The following CPT2 variants were observed in gnomAD, a reference collection of about 807,000 sequenced individuals.
CPT2 encodes carnitine palmitoyltransferase 2, also known as carnitine O-palmitoyltransferase 2, mitochondrial.
CPT2 carries 37 observed loss-of-function variants against 48.6 expected under a neutral mutation model. The observed-to-expected ratio is 0.76, with a 90% CI of 0.59 to 1.00. The LOEUF is 1.00. Among genes scored for constraint, CPT2 ranks in the 50% least tolerant of loss-of-function variants. CPT2 has a pLI of 0.00. For synonymous variants in CPT2, 319 were observed against 326.9 expected, an observed-to-expected ratio of 0.98 and a Z score of 0.26; for missense variants, 772 against 825.6, an observed-to-expected ratio of 0.94 and a Z score of 0.80.
At chr1:53,201,113 A>C (rs768638071) in intron 2 of CPT2, 2 of 410,156 alleles carry the variant, frequency 4.9e-6, no homozygotes, top group Non-Finnish European at 9.2e-6. Flanking sequence ...TACCCTTGGA[A>C]GGGAGGTCCA....
intron 3 of CPT2, 56 bp downstream of exon 3, chr1:53,202,485 T>C (rs1263677669): frequency 7.3e-7 from 1 of 1,363,994 alleles, no homozygotes; most frequent in African/African-American, 1.4e-5. Context: ...TAATGAAAAG[T>C]AAGGCATATT....
At position 53,213,678 on chromosome 1, in the gene CPT2, C is replaced by A; in HGVS notation, c.*83C>A. On this transcript the variant is annotated 3_prime_UTR_variant, in exon 5 of 5. Transcript: ENST00000371486. ...GCATGGTGGCTCATGCCTGTAATCC[C>A]AGCATTTTGAGAGGCTGAGGCGGGT... The A allele has an allele frequency of 7.7e-7, 1 of 1,302,530 alleles. No homozygotes were observed. Among genetic ancestry groups the A allele is most frequent in the Non-Finnish European group, 1.1e-6 (1 of 927,350 alleles). 80.7% of individuals were successfully genotyped at this position (1,302,530 alleles called of 1,614,324 possible). A position where few individuals can be genotyped will look rare whatever the true frequency, so the allele number is the denominator to read the frequency against.
At chr1:53,200,849 G>C in intron 2 of CPT2, 50 bp downstream of exon 2, 1 of 1,442,598 alleles carries the variant, frequency 6.9e-7, no homozygotes, top group Non-Finnish European at 9.8e-7. Context: ...TTCAAGACAG[G>C]CTGGCAAGTA....
intron 2 of CPT2, 170 bp downstream of exon 2, chr1:53,200,969 C>A: frequency 1.5e-6 from 1 of 681,996 alleles, no homozygotes; most frequent in Non-Finnish European, 2.7e-6. Flanking sequence ...TCATGAAGGA[C>A]TGACCAAGCC....
At chr1:53,211,723 C>A (rs982052064) in intron 4 of CPT2, among the ~76,000 whole-genome samples, 20 of 150,238 alleles carry the variant, frequency 1.3e-4, no homozygotes, top group Middle Eastern at 6.8e-3. Flanking sequence ...CTCTGCCTCC[C>A]AAGTAGCTGG....
In CPT2 at chr1:53,210,925, C is replaced by G. The variant is rs576822710; in HGVS notation, c.1251C>G (p.Phe417Leu). The G allele has an allele frequency of 6.2e-7, 1 of 1,614,040 alleles. No homozygotes were observed. Among genetic ancestry groups the G allele is most frequent in the Non-Finnish European group, 8.5e-7 (1 of 1,180,020 alleles). The change falls in exon 4 of 5, where the codon TTC becomes TTG. Residue 417 changes from phenylalanine to leucine, a missense_variant. By Grantham distance (22) the Phe-to-Leu change is conservative. Coordinates refer to ENST00000371486, the MANE Select transcript of CPT2 (RefSeq NM_000098.3). ...CTGTCACGGTGCAGAAACTCAACTT[C>G]GAGCTGACTGATGCCTTAAAGACTG... ...DSTVTVQKLN[F>L]ELTDALKTGI... is the part of the protein sequence containing the mutation.
At chr1:53,201,942 T>A (rs1645356650) in intron 2 of CPT2, 1 of 276,502 alleles carries the variant, frequency 3.6e-6, no homozygotes, top group Admixed American at 4.9e-5. Flanking sequence ...TTATCCATTT[T>A]ACACATCAAG....
Position 53,213,264 on chromosome 1 carries a change from G to A in CPT2, c.1646G>A (p.Gly549Asp), listed in dbSNP as rs186044004. Residue 549 changes from glycine (G) to aspartate (D), a missense_variant and splice_region_variant, in exon 5 of 5, where the codon GGC (glycine) becomes GAC (aspartate). Coordinates refer to ENST00000371486, the MANE Select transcript of CPT2 (RefSeq NM_000098.3). ...HGQLTKEAAM[G>D]QGFDRHLFAL... Reference sequence around the variant, plus strand: ...TGGTTTTCCATTTTGTTTCTCACAGGCCAGGGCTTTGACCGACACTTGTTT... The same window carrying A: ...TGGTTTTCCATTTTGTTTCTCACAGACCAGGGCTTTGACCGACACTTGTTT... 1.2e-5 allele frequency: 19 copies of A among 1,614,076 alleles called. No individual in the cohort carries two copies. In the Admixed American group the frequency reaches 1.8e-4, roughly 16 times the overall value.
At chr1:53,198,015 G>T (rs796625974) in intron 1 of CPT2, among the ~76,000 whole-genome samples, 2 of 152,132 alleles carry the variant, frequency 1.3e-5, no homozygotes, top group African/African-American at 4.8e-5. Flanking sequence ...CCCTCCCCCA[G>T]TACTTTCTTA....
At position 53,197,740 on chromosome 1, in the gene CPT2, C is replaced by T. The variant is rs1472139498; in HGVS notation, c.152+645C>T. On this transcript the variant is annotated intron_variant, in intron 1 of 4. Coordinates refer to ENST00000371486, the MANE Select transcript of CPT2 (RefSeq NM_000098.3). Reference sequence around the variant, plus strand: ...CCTAAATCCAGTGTTCACCCGGAAACCTTTCACTCTCTCCAAGCCCTCCTC... The same window carrying T: ...CCTAAATCCAGTGTTCACCCGGAAATCTTTCACTCTCTCCAAGCCCTCCTC... Among the ~76,000 whole-genome samples the T allele has an allele frequency of 5.3e-5, 8 of 152,150 alleles. No homozygotes were observed. In the East Asian group the frequency reaches 1.2e-3, roughly 22 times the overall value.
In CPT2 at chr1:53,196,962, C is replaced by G; in HGVS notation, c.19C>G (p.Leu7Val). Reference sequence around the variant, plus strand: ...CGGGACGATGGTGCCCCGCCTGCTGCTGCGCGCCTGGCCCCGGGGCCCCGC... The same window carrying G: ...CGGGACGATGGTGCCCCGCCTGCTGGTGCGCGCCTGGCCCCGGGGCCCCGC... The part of the protein sequence containing the change: MVPRLL[L>V]RAWPRGPAVG... Residue 7 changes from leucine (L) to valine (V), a missense_variant, in exon 1 of 5, where the codon CTG (leucine) becomes GTG (valine). By Grantham distance (32) the Leu-to-Val change is conservative (BLOSUM62 1). Transcript: ENST00000371486. The G allele has an allele frequency of 2.0e-5, 31 of 1,536,370 alleles. No homozygotes were observed. Among genetic ancestry groups the G allele is most frequent in the Non-Finnish European group, 2.7e-5 (31 of 1,149,230 alleles).
chr1:53,209,674 G>C (rs1282690100), intron 3 of CPT2: 1 of 326,292 alleles, frequency 3.1e-6, no homozygotes, highest in African/African-American at 2.2e-5. Context: ...TACTCAGGAG[G>C]CTGAGGCAGG....
At chr1:53,200,949 A>G in intron 2 of CPT2, 150 bp downstream of exon 2, 1 of 713,904 alleles carries the variant, frequency 1.4e-6, no homozygotes, top group Non-Finnish European at 2.6e-6. Flanking sequence ...TTCAGGAAAT[A>G]GATTTTCATT....
chr1:53,200,469 C>T, intron 1 of CPT2: 1 of 406,656 alleles, frequency 2.5e-6, no homozygotes, highest in Non-Finnish European at 4.5e-6. Flanking sequence ...CATTTTGAAT[C>T]TATTATTGTT....
rs757294874 is a variant in CPT2 at position 53,210,042 on chromosome 1, C to T, written c.368C>T (p.Ala123Val). The T allele has an allele frequency of 6.2e-7, 1 of 1,613,824 alleles. No individual in the cohort carries two copies. Among genetic ancestry groups the T allele is most frequent in the Non-Finnish European group, 8.5e-7 (1 of 1,179,970 alleles). Reference sequence around the variant, plus strand: ...CCCTGGTTTGATATGTACCTATCTGCTCGAGACTCCGTTGTTCTGAACTTT... The same window carrying T: ...CCCTGGTTTGATATGTACCTATCTGTTCGAGACTCCGTTGTTCTGAACTTT... Reference protein sequence around the residue: ...SGPWFDMYLSARDSVVLNFNP... With the variant: ...SGPWFDMYLSVRDSVVLNFNP... Residue 123 changes from alanine (A) to valine (V), a missense_variant, in exon 4 of 5, where the codon GCT becomes GTT. Ala to Val is a moderately conservative substitution (Grantham distance 64, BLOSUM62 0). Coordinates refer to ENST00000371486, the MANE Select transcript of CPT2 (RefSeq NM_000098.3).
At position 53,210,916 on chromosome 1, in the gene CPT2, A is replaced by G. The variant is rs763073192; in HGVS notation, c.1242A>G (p.Lys414=). The G allele has an allele frequency of 1.9e-6, 3 of 1,614,168 alleles. No individual in the cohort carries two copies. Residue 414 remains lysine, a synonymous_variant, in exon 4 of 5, where the codon AAA becomes AAG. Coordinates refer to ENST00000371486, the MANE Select transcript of CPT2 (RefSeq NM_000098.3). ...CTGACTCTACTGTCACGGTGCAGAAACTCAACTTCGAGCTGACTGATGCCT... is the reference window on the plus strand; with the variant it reads ...CTGACTCTACTGTCACGGTGCAGAAGCTCAACTTCGAGCTGACTGATGCCT... ...ATTDSTVTVQ[K]LNFELTDALK... is the part of the protein sequence containing the mutation.
Position 53,210,363 on chromosome 1 carries a change from G to T in CPT2, c.689G>T (p.Ser230Ile). ...AACTCAACTCGTTTACCCAAACCCA[G>T]TCGGGATGAACTCTTCACTGATGAC... ...LFNSTRLPKPSRDELFTDDKA... is the reference protein window; with the variant it reads ...LFNSTRLPKPIRDELFTDDKA... The change falls in exon 4 of 5, where the codon AGT becomes ATT. Residue 230 changes from serine to isoleucine, a missense_variant. By Grantham distance (142) the Ser-to-Ile change is moderately radical. Transcript: ENST00000371486. 6.2e-7 allele frequency: 1 copy of T among 1,614,100 alleles called. No homozygotes were observed. Among genetic ancestry groups the T allele is most frequent in the South Asian group, 1.1e-5 (1 of 91,082 alleles).
chr1:53,201,958 G>A (rs987155730), intron 2 of CPT2: 5 of 275,990 alleles, frequency 1.8e-5, no homozygotes, highest in South Asian at 1.2e-4. Flanking sequence ...TCAAGAAACC[G>A]AGACTCAGAT....
chr1:53,206,657 CCT>C (rs1645391660), intron 3 of CPT2, among the ~76,000 whole-genome samples: 1 of 152,198 alleles, frequency 6.6e-6, no homozygotes, highest in African/African-American at 2.4e-5. Context: ...GCCTGTAGCC[CCT>C]CTGTTTTGGC....
Sources: gnomAD v4.1 joint callset for allele counts (sites outside exome capture counted in the v4.1 genomes callset) on GRCh38, gnomAD v4.1.1 for gene constraint, MANE v1.5 for transcripts, NCBI Gene and HGNC (gene_info 2026-07-23, HGNC 2026-07-21) for gene names.